ATP8A2: variants seen among roughly 807,000 people sequenced by gnomAD.
ATP8A2 encodes phospholipid-transporting ATPase IB.
In ATP8A2, 100 loss-of-function variants were observed where a neutral mutation model predicts 165.6. The ratio of observed to expected loss-of-function variants is 0.60; its 90% CI spans 0.51 to 0.71. The LOEUF (loss-of-function observed/expected upper bound fraction) is 0.71. Among genes scored for constraint, ATP8A2 ranks in the 30% least tolerant of loss-of-function variants. The probability of loss-of-function intolerance (pLI) is 0.00; values close to 1 mark genes in which losing one functional copy is unlikely to be tolerated. For missense variants in ATP8A2, 1,227 were observed against 1,479.5 expected, an observed-to-expected ratio of 0.83 and a Z score of 2.80; for synonymous variants, 543 against 548.8, an observed-to-expected ratio of 0.99 and a Z score of 0.15.
In ATP8A2 at chr13:25,843,039, T is replaced by A. The variant is rs371008539; in HGVS notation, c.2956+3415T>A. Among the ~76,000 whole-genome samples, 503 of 129,952 alleles carry A rather than the reference T, an allele frequency of 3.9e-3. 3 individuals carry two copies. The highest frequency in any genetic ancestry group is 0.011 in the African/African-American group (428 of 38,326). 85.3% of individuals were successfully genotyped at this position (129,952 alleles called of 152,430 possible). On this transcript the variant is annotated intron_variant, in intron 30 of 36. Coordinates refer to ENST00000381655, the MANE Select transcript of ATP8A2 (RefSeq NM_016529.6). ...CTTTGTTTGCTGAGATTGTGGTGTA[T>A]CTACAAGGTAAGAGGCTCTCTGAGG...
At chr13:25,662,037 G>C (rs2042061570) in intron 24 of ATP8A2, among the ~76,000 whole-genome samples, 1 of 152,094 alleles carries the variant, frequency 6.6e-6, no homozygotes, top group Admixed American at 6.6e-5. Context: ...TTTGAATCCT[G>C]GTTCTAGTCC....
chr13:25,839,342 T>C (rs1181369895), intron 29 of ATP8A2, among the ~76,000 whole-genome samples: 1 of 152,096 alleles, frequency 6.6e-6, no homozygotes, highest in East Asian at 1.9e-4. Flanking sequence ...TAATATGATC[T>C]GGAGATAATC....
At chr13:25,445,001 C>G (rs2035032323) in intron 1 of ATP8A2, among the ~76,000 whole-genome samples, 1 of 152,080 alleles carries the variant, frequency 6.6e-6, no homozygotes, top group Non-Finnish European at 1.5e-5. Flanking sequence ...CATGTTGAAG[C>G]CTTTTGCACA....
chr13:25,792,150 A>T (rs973273679), intron 27 of ATP8A2, among the ~76,000 whole-genome samples: 1 of 152,200 alleles, frequency 6.6e-6, no homozygotes, highest in African/African-American at 2.4e-5. Flanking sequence ...TGAGCTGCAA[A>T]AGTTGCTAAT....
chr13:25,465,715 C>CTTTTCTTT (rs553219083), intron 1 of ATP8A2, among the ~76,000 whole-genome samples: 7 of 42,346 alleles, frequency 1.7e-4, no homozygotes, highest in African/African-American at 6.4e-4. Flanking sequence ...TTCTTTCTTT[C>CTTTTCTTT]TTTCTTTCTT....
At chr13:25,656,530 C>T (rs898809151) in intron 24 of ATP8A2, among the ~76,000 whole-genome samples, 1 of 151,964 alleles carries the variant, frequency 6.6e-6, no homozygotes, top group Admixed American at 6.6e-5. Flanking sequence ...ACCTCGGCCT[C>T]CGAAAGTGCT....
rs1421688607 is a variant in ATP8A2, at chr13:25,415,836, CT to C, written c.76+43557del. Reference sequence around the variant, plus strand: ...ACTTGGTCCCTCTCTATCCACTTATCTTTTTTTTTCTGAGACAGGATCTTGC... The same window carrying C: ...ACTTGGTCCCTCTCTATCCACTTATCTTTTTTTTCTGAGACAGGATCTTGC... On this transcript the variant is annotated intron_variant, in intron 1 of 36. Transcript: ENST00000381655. Among the ~76,000 whole-genome samples, 6 of 151,662 alleles carry C rather than the reference CT, an allele frequency of 4.0e-5. 1 individual carries two copies. The highest frequency in any genetic ancestry group is 1.2e-4 in the African/African-American group (5 of 41,386).
chr13:25,440,424 G>A (rs566614464), intron 1 of ATP8A2, among the ~76,000 whole-genome samples: 2 of 152,016 alleles, frequency 1.3e-5, no homozygotes, highest in East Asian at 1.9e-4. Flanking sequence ...TCCATCCTAC[G>A]TTACTTGTAC....
At chr13:25,389,756 A>G (rs574492394) in intron 1 of ATP8A2, among the ~76,000 whole-genome samples, 6 of 152,340 alleles carry the variant, frequency 3.9e-5, no homozygotes, top group Non-Finnish European at 5.9e-5. Context: ...ATAATACTCC[A>G]TAGTTCCCAT....
chr13:25,845,787 G>T (rs560731308), intron 30 of ATP8A2, among the ~76,000 whole-genome samples: 1 of 152,286 alleles, frequency 6.6e-6, no homozygotes, highest in African/African-American at 2.4e-5. Context: ...CCTGAGACTT[G>T]CGTTGTTTCA....
chr13:25,496,501 G>T (rs368011167), intron 2 of ATP8A2, among the ~76,000 whole-genome samples: 16 of 152,210 alleles, frequency 1.1e-4, no homozygotes, highest in African/African-American at 3.6e-4. Context: ...TAATCTAAAT[G>T]GACCTCAATT....
intron 33 of ATP8A2, among the ~76,000 whole-genome samples, chr13:25,872,357 G>A (rs961367130): frequency 7.9e-5 from 12 of 152,108 alleles, no homozygotes; most frequent in African/African-American, 2.9e-4. Flanking sequence ...GATGAATTGA[G>A]CACAGAGGAA....
Position 25,570,777 on chromosome 13 carries a change from C to T in ATP8A2, c.1484C>T (p.Pro495Leu), listed in dbSNP as rs772432766. 1 of 1,613,602 alleles carries T rather than the reference C, an allele frequency of 6.2e-7. No individual in the cohort carries two copies. Among genetic ancestry groups the T allele is most frequent in the Non-Finnish European group, 8.5e-7 (1 of 1,179,680 alleles). ...KNIEDRHPTA[P>L]CIQEFLTLLA... The stretch of plus-strand genomic sequence containing the variant: ...GCCTCACGTTTGCAGCCCACAGCCC[C>T]TTGCATTCAGGAGTTCCTCACCCTT... The change falls in exon 17 of 37, where the codon CCT becomes CTT. Residue 495 changes from proline (P) to leucine (L), a missense_variant. Pro to Leu is a moderately conservative substitution (Grantham distance 98). Around this residue, in one of 5 missense-constraint regions of ATP8A2, gnomAD observed 592 missense variants for 785.6 expected, o/e 0.75. Coordinates refer to ENST00000381655, the MANE Select transcript of ATP8A2 (RefSeq NM_016529.6).
chr13:25,955,846 C>A (rs1480404291), intron 33 of ATP8A2, among the ~76,000 whole-genome samples: 1 of 152,190 alleles, frequency 6.6e-6, no homozygotes, highest in Non-Finnish European at 1.5e-5. Context: ...AGGCCAATAT[C>A]CCTGATGAAC....
chr13:25,426,761 G>T (rs994622520), intron 1 of ATP8A2, among the ~76,000 whole-genome samples: 1 of 151,916 alleles, frequency 6.6e-6, no homozygotes, highest in Non-Finnish European at 1.5e-5. Flanking sequence ...TGGCCAATAT[G>T]GTGAAGCCCT....
chr13:25,512,733 G>T lies in ATP8A2; in HGVS notation c.222-17266G>T, dbSNP rs1346375575. 3.5e-5 allele frequency among the ~76,000 whole-genome samples: 5 copies of T among 143,924 alleles called. No homozygotes were observed. In the East Asian group the frequency reaches 8.8e-4, roughly 25 times the overall value. 94.4% of individuals were successfully genotyped at this position (143,924 alleles called of 152,430 possible). A position where few individuals can be genotyped will look rare whatever the true frequency, so the allele number is the denominator to read the frequency against. On this transcript the variant is annotated intron_variant, in intron 2 of 36. Coordinates refer to ENST00000381655, the MANE Select transcript of ATP8A2 (RefSeq NM_016529.6). ...GACGGGGCAGCTGGCCGGGCGGGGG[G>T]CTGACCCCCCCCACCTCCCTCCCGG...
At chr13:25,501,707 C>G (rs111417357) in intron 2 of ATP8A2, among the ~76,000 whole-genome samples, 3 of 152,298 alleles carry the variant, frequency 2.0e-5, no homozygotes, top group African/African-American at 7.2e-5. Context: ...AGACAAGACA[C>G]ACATCCATGG....
In ATP8A2 at chr13:25,577,075, A is replaced by G; in HGVS notation, c.1719A>G (p.Arg573=). 1.2e-6 allele frequency: 2 copies of G among 1,613,676 alleles called. No individual in the cohort carries two copies. Among genetic ancestry groups the G allele is most frequent in the East Asian group, 2.2e-5 (1 of 44,866 alleles). Reference sequence around the variant, plus strand: ...TTTTTTTTCACTCTCCCAGTGACAGAAAAAGAATGTCTGTAATTGTTCGAA... The same window carrying G: ...TTTTTTTTCACTCTCCCAGTGACAGGAAAAGAATGTCTGTAATTGTTCGAA... The part of the protein sequence containing the change: ...ILNVLEFSSD[R]KRMSVIVRTP... Residue 573 remains arginine, a synonymous_variant, in exon 20 of 37, where the codon AGA becomes AGG. Transcript: ENST00000381655.
At chr13:25,716,639 G>A (rs1170765649) in intron 25 of ATP8A2, among the ~76,000 whole-genome samples, 1 of 152,218 alleles carries the variant, frequency 6.6e-6, no homozygotes, top group Non-Finnish European at 1.5e-5. Context: ...TCAGCAGGGT[G>A]TGAAGGGTTT....
Sources: gnomAD v4.1 joint callset for allele counts (sites outside exome capture counted in the v4.1 genomes callset) on GRCh38, gnomAD v4.1.1 for gene constraint, gnomAD v4.1.1 regional missense constraint, MANE v1.5 for transcripts, NCBI Gene and HGNC (gene_info 2026-07-23, HGNC 2026-07-21) for gene names.